Variants in MINDY2 observed in about 807,000 individuals in gnomAD.
The protein encoded by MINDY2 is ubiquitin carboxyl-terminal hydrolase MINDY-2.
MINDY2 carries 52 observed loss-of-function variants against 68.2 expected under a neutral mutation model. The observed-to-expected ratio is 0.76, with a 90% CI of 0.61 to 0.96. The LOEUF (loss-of-function observed/expected upper bound fraction) is 0.96, where lower values mean the gene tolerates loss of function less well. MINDY2 is among the 40% of genes least tolerant of loss of function. The pLI is 0.00. For missense variants in MINDY2, 881 were observed against 773.4 expected (o/e 1.14, Z -1.65); for synonymous variants, 372 against 303.0 (o/e 1.23, Z -2.36).
intron 5 of MINDY2, among the ~76,000 whole-genome samples, chr15:58,831,244 CT>C (rs2031714607): frequency 6.6e-6 from 1 of 151,940 alleles, no homozygotes; most frequent in Non-Finnish European, 1.5e-5. Context: ...TCTGTTCAGC[CT>C]TATGCCTACT....
At chr15:58,837,583 A>G (rs1291666277) in intron 6 of MINDY2, among the ~76,000 whole-genome samples, 1 of 151,364 alleles carries the variant, frequency 6.6e-6, no homozygotes, top group Non-Finnish European at 1.5e-5. Context: ...AACTATGGCT[A>G]TTTTTAAATC....
At chr15:58,778,002 G>A (rs1413099187) in intron 1 of MINDY2, among the ~76,000 whole-genome samples, 1 of 152,018 alleles carries the variant, frequency 6.6e-6, no homozygotes, top group African/African-American at 2.4e-5. Flanking sequence ...AGGTTTATTT[G>A]AGGGCTGTGA....
intron 4 of MINDY2, among the ~76,000 whole-genome samples, chr15:58,820,214 C>G (rs1392468643): frequency 6.6e-6 from 1 of 152,072 alleles, no homozygotes; most frequent in African/African-American, 2.4e-5. Flanking sequence ...TGCAGTGAGC[C>G]AAGACTGTGT....
At chr15:58,809,709 A>T (rs958010528) in intron 3 of MINDY2, among the ~76,000 whole-genome samples, 13 of 152,180 alleles carry the variant, frequency 8.5e-5, no homozygotes, top group Non-Finnish European at 1.8e-4. Flanking sequence ...AATACTTGAC[A>T]TTGTTTTATA....
In MINDY2 at chr15:58,771,343, G is replaced by A; in HGVS notation, c.-53G>A. 1 of 1,558,414 alleles carries A rather than the reference G, an allele frequency of 6.4e-7. No homozygotes were observed. On this transcript the variant is annotated 5_prime_UTR_variant, in exon 1 of 9. Transcript: ENST00000559228. ...CAGCTGTCATGGCGTCCAAGGCGCT[G>A]GCTGCGGAGAAGTGGCCGCGGTCTC...
intron 2 of MINDY2, among the ~76,000 whole-genome samples, chr15:58,801,014 C>T (rs1295843406): frequency 1.3e-5 from 2 of 152,020 alleles, no homozygotes. Flanking sequence ...CGCTGCATCA[C>T]CCAGGCTGGA....
intron 4 of MINDY2, among the ~76,000 whole-genome samples, chr15:58,817,430 G>C (rs1428442641): frequency 1.3e-5 from 2 of 152,140 alleles, no homozygotes; most frequent in African/African-American, 4.8e-5. Context: ...ACATTTAAAA[G>C]TCTGATGGTA....
chr15:58,840,235 C>T (rs752475568), intron 6 of MINDY2, among the ~76,000 whole-genome samples: 3 of 152,242 alleles, frequency 2.0e-5, no homozygotes, highest in African/African-American at 4.8e-5. Flanking sequence ...ATCTACCACA[C>T]TTCCGAACGA....
intron 7 of MINDY2, among the ~76,000 whole-genome samples, chr15:58,850,880 C>T (rs1304433662): frequency 6.6e-6 from 1 of 152,118 alleles, no homozygotes; most frequent in African/African-American, 2.4e-5. Context: ...TGCCGTTGTA[C>T]CTGGCTCCCC....
chr15:58,795,124 C>G (rs1902195059), intron 2 of MINDY2, among the ~76,000 whole-genome samples: 3 of 151,626 alleles, frequency 2.0e-5, no homozygotes. Context: ...TGCAGTGTAC[C>G]GAGATCGCGC....
intron 6 of MINDY2, among the ~76,000 whole-genome samples, chr15:58,843,713 A>T (rs1202544596): frequency 6.6e-6 from 1 of 151,460 alleles, no homozygotes; most frequent in East Asian, 1.9e-4. Flanking sequence ...GGGCACCTGT[A>T]GTCCCAGCTA....
rs35764277 is a variant in MINDY2 at position 58,791,179 on chromosome 15, C to CA, written c.898+3229dup. On this transcript the variant is annotated intron_variant, in intron 2 of 8. Coordinates refer to ENST00000559228, the MANE Select transcript of MINDY2 (RefSeq NM_001040450.3). ...TGGACAACAGAGTGAGACTCCTTCTCAAAAAAAAAAAAAGGGAGCCATCAG... is the reference window on the plus strand; with the variant it reads ...TGGACAACAGAGTGAGACTCCTTCTCAAAAAAAAAAAAAAGGGAGCCATCAG... Among the ~76,000 whole-genome samples, 142 of 67,866 alleles carry CA rather than the reference C, an allele frequency of 2.1e-3. 1 individual carries two copies. The highest frequency in any genetic ancestry group is 5.5e-3 in the African/African-American group (113 of 20,464). 44.5% of individuals were successfully genotyped at this position (67,866 alleles called of 152,430 possible). A position where few individuals can be genotyped will look rare whatever the true frequency, so the allele number is the denominator to read the frequency against.
chr15:58,796,898 A>G (rs1349778598), intron 2 of MINDY2, among the ~76,000 whole-genome samples: 1 of 152,186 alleles, frequency 6.6e-6, no homozygotes, highest in Non-Finnish European at 1.5e-5. Context: ...CAGCTCTTCC[A>G]TATCCATCCA....
chr15:58,851,369 A>G (rs886232408), intron 7 of MINDY2, among the ~76,000 whole-genome samples: 6 of 152,186 alleles, frequency 3.9e-5, no homozygotes, highest in African/African-American at 1.4e-4. Flanking sequence ...TTAATGTTTA[A>G]AATAAAATGT....
At chr15:58,818,441 A>G (rs2030842987) in intron 4 of MINDY2, among the ~76,000 whole-genome samples, 1 of 151,890 alleles carries the variant, frequency 6.6e-6, no homozygotes, top group Non-Finnish European at 1.5e-5. Flanking sequence ...TTTTTTGTGA[A>G]GACAGGGCCT....
chr15:58,783,982 C>T (rs563064933), intron 1 of MINDY2, among the ~76,000 whole-genome samples: 40 of 151,834 alleles, frequency 2.6e-4, no homozygotes, highest in Non-Finnish European at 5.3e-4. Flanking sequence ...TATTTGGAGT[C>T]GGAGTAGCTA....
chr15:58,824,610 A>G (rs1482183565), intron 5 of MINDY2, among the ~76,000 whole-genome samples: 4 of 152,140 alleles, frequency 2.6e-5, no homozygotes, highest in Non-Finnish European at 4.4e-5. Flanking sequence ...ATGGAAAATA[A>G]AAGACCGTAA....
intron 4 of MINDY2, among the ~76,000 whole-genome samples, chr15:58,814,370 CAGTTG>C (rs1440960730): frequency 1.3e-5 from 2 of 151,470 alleles, no homozygotes; most frequent in African/African-American, 2.4e-5. Context: ...TGGTTCTTTA[CAGTTG>C]AGTTTTGTTT....
At position 58,837,330 on chromosome 15, in the gene MINDY2, T is replaced by C. The variant is rs557441447; in HGVS notation, c.1368+5414T>C. 2.0e-5 allele frequency among the ~76,000 whole-genome samples: 3 copies of C among 152,146 alleles called. No individual in the cohort carries two copies. In the South Asian group the frequency reaches 6.2e-4, roughly 32 times the overall value. Reference sequence around the variant, plus strand: ...GCTCATGTGTGTAATCCTAGCACTTTGGGAGGCCAAGGCTGGACAGTCGCT... The same window carrying C: ...GCTCATGTGTGTAATCCTAGCACTTCGGGAGGCCAAGGCTGGACAGTCGCT... On this transcript the variant is annotated intron_variant, in intron 6 of 8. Coordinates refer to ENST00000559228, the MANE Select transcript of MINDY2 (RefSeq NM_001040450.3).
Sources: gnomAD v4.1 joint callset for allele counts (sites outside exome capture counted in the v4.1 genomes callset) on GRCh38, gnomAD v4.1.1 for gene constraint, MANE v1.5 for transcripts, NCBI Gene and HGNC (gene_info 2026-07-23, HGNC 2026-07-21) for gene names.